The following COX4I1 variants were observed in gnomAD, a reference collection of about 807,000 sequenced individuals.
COX4I1 encodes the protein cytochrome c oxidase subunit 4I1.
In COX4I1, 18 loss-of-function variants were observed where a neutral mutation model predicts 21.7. The observed-to-expected ratio is 0.83, with a 90% CI of 0.57 to 1.23. COX4I1 has a LOEUF of 1.23. COX4I1 is among the 50% of genes most tolerant of loss of function. COX4I1 has a pLI of 0.00. For missense variants in COX4I1, 238 were observed against 220.7 expected (o/e 1.08, Z -0.50); for synonymous variants, 100 against 81.5 (o/e 1.23, Z -1.23).
chr16:85,806,313 G>A (rs147334152), intron 4 of COX4I1: 1 of 611,554 alleles, frequency 1.6e-6, no homozygotes, highest in Non-Finnish European at 2.9e-6. Context: ...CGGGTTGCTC[G>A]CTCGTGGTAA....
At chr16:85,800,322 T>C (rs1238486728) in intron 1 of COX4I1, among the ~76,000 whole-genome samples, 2 of 151,994 alleles carry the variant, frequency 1.3e-5, no homozygotes, top group Non-Finnish European at 2.9e-5. Context: ...AAGGGGGCCG[T>C]GTAAGGTTGA....
intron 2 of COX4I1, 104 bp from the exon 3 acceptor site, chr16:85,804,833 T>G (rs1597218288): frequency 1.0e-6 from 1 of 997,706 alleles, no homozygotes. Context: ...TGATCCAGGG[T>G]TTCAAGGCGT....
chr16:85,807,028 T>C lies in COX4I1; in HGVS notation c.*154T>C. ...CCCTTTGTGATCAGTTCTTTAATGA[T>C]ACCTAAATGAAAGCTAATTAAAACA... On this transcript the variant is annotated 3_prime_UTR_variant, in exon 5 of 5. Coordinates refer to ENST00000253452, the MANE Select transcript of COX4I1 (RefSeq NM_001861.6). 2.7e-6 allele frequency: 2 copies of C among 727,924 alleles called. No homozygotes were observed. Among genetic ancestry groups the C allele is most frequent in the Non-Finnish European group, 4.4e-6 (2 of 455,384 alleles). 45.1% of individuals were successfully genotyped at this position (727,924 alleles called of 1,614,324 possible).
chr16:85,800,370 C>A (rs1905610222), intron 1 of COX4I1, among the ~76,000 whole-genome samples: 1 of 152,202 alleles, frequency 6.6e-6, no homozygotes, highest in African/African-American at 2.4e-5. Flanking sequence ...GAGGGGGGGT[C>A]TCATAGGTTT....
Position 85,804,966 on chromosome 16 carries a change from C to A in COX4I1, c.103C>A (p.Leu35Ile). ...ESVVKSEDFS[L>I]PAYMDRRDHP... ...TGTTGTGAAGAGCGAAGACTTTTCG[C>A]TCCCAGCTTATATGGATCGGCGTGA... is the stretch of plus-strand genomic sequence containing the variant. Residue 35 changes from leucine (L) to isoleucine (I), a missense_variant, in exon 3 of 5, where the codon CTC becomes ATC. Physicochemically the swap from Leu to Ile is conservative, Grantham distance 5. Transcript: ENST00000253452. The A allele has an allele frequency of 6.2e-7, 1 of 1,610,268 alleles. No homozygotes were observed. Among genetic ancestry groups the A allele is most frequent in the Non-Finnish European group, 8.5e-7 (1 of 1,178,976 alleles).
chr16:85,804,995 C>A lies in COX4I1; in HGVS notation c.132C>A (p.His44Gln). Residue 44 changes from histidine (H) to glutamine (Q), a missense_variant, in exon 3 of 5, where the codon CAC becomes CAA. Coordinates refer to ENST00000253452, the MANE Select transcript of COX4I1 (RefSeq NM_001861.6). ...CAGCTTATATGGATCGGCGTGACCA[C>A]CCCTTGCCGGAGGTGGCCCATGTCA... ...SLPAYMDRRDHPLPEVAHVKH... is the reference protein window; with the variant it reads ...SLPAYMDRRDQPLPEVAHVKH... 6.2e-7 allele frequency: 1 copy of A among 1,614,160 alleles called. No homozygotes were observed. The highest frequency in any genetic ancestry group is 2.2e-5 in the East Asian group (1 of 44,888).
chr16:85,800,307 A>C (rs971439272), intron 1 of COX4I1, among the ~76,000 whole-genome samples: 45 of 152,178 alleles, frequency 3.0e-4, no homozygotes, highest in African/African-American at 1.1e-3. Context: ...CGAAGGGTCG[A>C]TTTAAAGGGG....
At chr16:85,804,842 G>A (rs951566091) in intron 2 of COX4I1, 95 bp from the exon 3 acceptor site, 26 of 1,122,264 alleles carry the variant, frequency 2.3e-5, no homozygotes, top group South Asian at 6.0e-5. Flanking sequence ...GTTTCAAGGC[G>A]TGCACATGTC....
chr16:85,804,804 T>C lies in COX4I1; in HGVS notation c.74-133T>C, dbSNP rs879437835. ...CACACTCCTGCAACTGTTTAAACAG[T>C]GGCTGTGACCCCCTGAGATGATCCA... On this transcript the variant is annotated intron_variant, in intron 2 of 4. Coordinates refer to ENST00000253452, the MANE Select transcript of COX4I1 (RefSeq NM_001861.6). The C allele has an allele frequency of 1.4e-5, 10 of 729,172 alleles. No individual in the cohort carries two copies. The African/African-American group carries it at 1.8e-4, about 13-fold the overall frequency. The allele number at this position is 729,172 out of a possible 1,614,324, so 45.2% of individuals were successfully genotyped here. A position where few individuals can be genotyped will look rare whatever the true frequency, so the allele number is the denominator to read the frequency against.
intron 2 of COX4I1, among the ~76,000 whole-genome samples, chr16:85,802,767 A>G (rs1905872304): frequency 6.6e-6 from 1 of 152,310 alleles, no homozygotes; most frequent in African/African-American, 2.4e-5. Context: ...TGTTTGGTAT[A>G]TTAACCATTG....
chr16:85,800,853 A>G (rs956562925), intron 1 of COX4I1, among the ~76,000 whole-genome samples: 3 of 152,084 alleles, frequency 2.0e-5, no homozygotes, highest in African/African-American at 7.2e-5. Flanking sequence ...TGAACCCCTG[A>G]CCTCAGGTGA....
At chr16:85,803,092 A>ATT (rs1905898451) in intron 2 of COX4I1, 1 of 152,144 alleles carries the variant, frequency 6.6e-6, no homozygotes, top group Admixed American at 6.5e-5. Context: ...ATTTACATTT[A>ATT]TTTTTAATAA....
rs1427902927 is a variant in COX4I1, at chr16:85,806,775, G to A, written c.411G>A (p.Trp137Ter). The A allele has an allele frequency of 1.2e-6, 2 of 1,614,140 alleles. No individual in the cohort carries two copies. Among genetic ancestry groups the A allele is most frequent in the Non-Finnish European group, 1.7e-6 (2 of 1,180,024 alleles). The change falls in exon 5 of 5, where the codon TGG (tryptophan) becomes TGA (stop). Residue 137 changes from tryptophan to a stop codon, truncating the protein, a stop_gained. Coordinates refer to ENST00000253452, the MANE Select transcript of COX4I1 (RefSeq NM_001861.6). LOFTEE classifies it high-confidence loss of function. The stretch of plus-strand genomic sequence containing the variant: ...TCCCGCAAAGCTTTGACAAAGAGTG[G>A]GTGGCCAAGCAGACCAAGAGGATGC... ...GPLPQSFDKE[W>*]VAKQTKRMLD...
At chr16:85,800,459 A>T (rs1318495057) in intron 1 of COX4I1, among the ~76,000 whole-genome samples, 1 of 152,146 alleles carries the variant, frequency 6.6e-6, no homozygotes, top group Non-Finnish European at 1.5e-5. Flanking sequence ...GTCTATGTAC[A>T]GGCGGTATTA....
rs1300280903 is a variant in COX4I1 at position 85,806,881 on chromosome 16, C to A, written c.*7C>A. 1 of 1,610,092 alleles carries A rather than the reference C, an allele frequency of 6.2e-7. No individual in the cohort carries two copies. Among genetic ancestry groups the A allele is most frequent in the East Asian group, 2.2e-5 (1 of 44,868 alleles). ...GAACGAGTGGAAGAAGTGAGAGATG[C>A]TGGCCTGCGCCTGCACCTGCGCCTG... On this transcript the variant is annotated 3_prime_UTR_variant, in exon 5 of 5. Coordinates refer to ENST00000253452, the MANE Select transcript of COX4I1 (RefSeq NM_001861.6).
rs77026588 is a variant in COX4I1 at position 85,805,367 on chromosome 16, C to T, written c.241+263C>T. ...CTCTCAGCATATCTGCTGGGTAAGA[C>T]ATAGTTAACTGTAAATTATTGAAAG... On this transcript the variant is annotated intron_variant, in intron 3 of 4. Transcript: ENST00000253452. 71 of 522,496 alleles carry T rather than the reference C, an allele frequency of 1.4e-4. No homozygotes were observed. In the East Asian group the frequency reaches 2.2e-3, roughly 16 times the overall value. 32.4% of individuals were successfully genotyped at this position (522,496 alleles called of 1,614,324 possible).
chr16:85,805,504 C>A, intron 3 of COX4I1: 1 of 599,794 alleles, frequency 1.7e-6, no homozygotes, highest in South Asian at 2.3e-5. Flanking sequence ...TTTTAATTTG[C>A]ACCTGAAGCG....
intron 2 of COX4I1, among the ~76,000 whole-genome samples, chr16:85,802,795 G>T (rs1905874062): frequency 6.6e-6 from 1 of 152,140 alleles, no homozygotes; most frequent in South Asian, 2.1e-4. Flanking sequence ...CTTAATTGCT[G>T]GGGGACCAGG....
At chr16:85,803,817 A>T (rs975136804) in intron 2 of COX4I1, 1 of 152,236 alleles carries the variant, frequency 6.6e-6, no homozygotes, top group African/African-American at 2.4e-5. Flanking sequence ...TCCTGAGTGC[A>T]CGCTTCCTCT....
Sources: allele counts gnomAD v4.1 joint callset (sites outside exome capture counted in the v4.1 genomes callset), GRCh38; gene constraint gnomAD v4.1.1; transcripts MANE v1.5; gene names NCBI Gene and HGNC (gene_info 2026-07-23, HGNC 2026-07-21).